TFEC: variants seen among roughly 807,000 people sequenced by gnomAD.
TFEC encodes the protein class E basic helix-loop-helix protein 34.
In TFEC, 31 loss-of-function variants were observed where a neutral mutation model predicts 41.6. That is an observed-to-expected ratio of 0.74 (90% CI 0.56 to 1.01). The LOEUF is 1.01. Ranked by LOEUF, TFEC falls within the 50% of genes least tolerant of loss-of-function variation. The pLI is 0.00. For synonymous variants in TFEC, 143 were observed against 140.6 expected (o/e 1.02, Z -0.12); for missense variants, 402 against 404.1 (o/e 0.99, Z 0.04).
At chr7:116,052,551 C>A (rs560484969) in intron 3 of TFEC, among the ~76,000 whole-genome samples, 62 of 152,076 alleles carry the variant, frequency 4.1e-4, no homozygotes, top group Non-Finnish European at 3.5e-4. Context: ...GCCTCAGACT[C>A]CCGAGTAGCT....
In TFEC at chr7:115,939,760, T is replaced by C. The variant is rs1364323134; in HGVS notation, c.*791A>G. 1 of 152,024 alleles carries C rather than the reference T, an allele frequency of 6.6e-6. No homozygotes were observed. The highest frequency in any genetic ancestry group is 1.5e-5 in the Non-Finnish European group (1 of 67,974). The allele number at this position is 152,024 out of a possible 1,614,324, so 9.4% of individuals were successfully genotyped here. On this transcript the variant is annotated 3_prime_UTR_variant, in exon 8 of 8. Coordinates refer to ENST00000265440, the MANE Select transcript of TFEC (RefSeq NM_012252.4). ...AACAAAAGAACATATACTACCTGAA[T>C]GATGTGCATATGTGTATGTGTATGT...
intron 3 of TFEC, among the ~76,000 whole-genome samples, chr7:116,046,733 C>A (rs1345399197): frequency 6.6e-6 from 1 of 152,152 alleles, no homozygotes; most frequent in East Asian, 1.9e-4. Flanking sequence ...AGCTTACTCC[C>A]CACTGTACTT....
chr7:116,100,576 A>T (rs1475557889), intron 3 of TFEC, among the ~76,000 whole-genome samples: 1 of 147,824 alleles, frequency 6.8e-6, no homozygotes, highest in Non-Finnish European at 1.5e-5. Context: ...CGAACAAGAG[A>T]AAGAGACAGG....
At chr7:115,949,212 A>G (rs1227332807) in intron 6 of TFEC, among the ~76,000 whole-genome samples, 1 of 152,144 alleles carries the variant, frequency 6.6e-6, no homozygotes, top group African/African-American at 2.4e-5. Context: ...ATACAAAGAA[A>G]TGGAAGAACA....
rs183620445 is a variant in TFEC at position 115,947,544 on chromosome 7, A to G, written c.515+3330T>C. On this transcript the variant is annotated intron_variant, in intron 6 of 7. Coordinates refer to ENST00000265440, the MANE Select transcript of TFEC (RefSeq NM_012252.4). ...AGTTTACAGTCCCACCAACAGGGTA[A>G]AAGTGTTCCTATTTCTCCACATCCT... Among the ~76,000 whole-genome samples, 19 of 151,784 alleles carry G rather than the reference A, an allele frequency of 1.3e-4. 1 individual carries two copies. The East Asian group carries it at 3.7e-3, about 30-fold the overall frequency.
At chr7:116,059,950 G>GT (rs1047034476) in intron 3 of TFEC, among the ~76,000 whole-genome samples, 1 of 151,838 alleles carries the variant, frequency 6.6e-6, no homozygotes, top group Admixed American at 6.6e-5. Context: ...TTGTACTAAA[G>GT]TTTTTATGAG....
At chr7:115,989,834 C>G (rs891610104) in intron 1 of TFEC, among the ~76,000 whole-genome samples, 1 of 152,192 alleles carries the variant, frequency 6.6e-6, no homozygotes, top group Admixed American at 6.5e-5. Context: ...GCAGAAATGT[C>G]TGCAGACTTA....
At chr7:115,991,322 G>A (rs990412806) in intron 1 of TFEC, among the ~76,000 whole-genome samples, 28 of 152,116 alleles carry the variant, frequency 1.8e-4, no homozygotes, top group Non-Finnish European at 3.5e-4. Context: ...ATCAACTAAC[G>A]AGCAAAATAA....
chr7:116,115,871 C>A (rs1247986626), intron 1 of TFEC, among the ~76,000 whole-genome samples: 2 of 151,900 alleles, frequency 1.3e-5, no homozygotes, highest in Non-Finnish European at 2.9e-5. Context: ...AAGTGCTTAA[C>A]AAATATTAGT....
intron 1 of TFEC, among the ~76,000 whole-genome samples, chr7:116,155,773 A>G (rs1396925634): frequency 6.6e-6 from 1 of 152,164 alleles, no homozygotes; most frequent in Admixed American, 6.6e-5. Flanking sequence ...CTTTTTTATA[A>G]CATTCTTTGT....
chr7:115,990,874 C>T (rs570784141), intron 1 of TFEC, among the ~76,000 whole-genome samples: 121 of 152,238 alleles, frequency 7.9e-4, no homozygotes, highest in African/African-American at 2.8e-3. Context: ...TCAGGAAATG[C>T]AGAGAACGCC....
At chr7:116,008,877 T>C (rs1794900571) in intron 1 of TFEC, among the ~76,000 whole-genome samples, 1 of 152,182 alleles carries the variant, frequency 6.6e-6, no homozygotes, top group Admixed American at 6.6e-5. Flanking sequence ...CAAAGCTATT[T>C]AATGGATAAT....
rs527298000 is a variant in TFEC at position 116,023,111 on chromosome 7, T to G, written c.-73+7522A>C. 3.3e-5 allele frequency among the ~76,000 whole-genome samples: 5 copies of G among 152,216 alleles called. No homozygotes were observed. The South Asian group carries it at 8.3e-4, about 25-fold the overall frequency. Reference sequence around the variant, plus strand: ...AAAAAAAAAAAAGAGTGGTTTATATTGTAAGTTCATGACTTCCTAAAGAGA... The same window carrying G: ...AAAAAAAAAAAAGAGTGGTTTATATGGTAAGTTCATGACTTCCTAAAGAGA... On this transcript the variant is annotated intron_variant, in intron 1 of 7. Transcript: ENST00000265440.
intron 3 of TFEC, among the ~76,000 whole-genome samples, chr7:116,106,190 A>C: frequency 6.6e-6 from 1 of 152,274 alleles, no homozygotes; most frequent in East Asian, 1.9e-4. Context: ...AAAACTGTCT[A>C]ATTTCACTCT....
intron 3 of TFEC, among the ~76,000 whole-genome samples, chr7:116,084,606 CTACA>C: frequency 6.6e-6 from 1 of 151,686 alleles, no homozygotes; most frequent in East Asian, 1.9e-4. Flanking sequence ...ATTTATGAGG[CTACA>C]TAGTTTCTGA....
chr7:115,983,340 T>TA (rs1793712388), intron 2 of TFEC, among the ~76,000 whole-genome samples: 1 of 152,094 alleles, frequency 6.6e-6, no homozygotes, highest in African/African-American at 2.4e-5. Flanking sequence ...AAAATTTGTT[T>TA]AAAAAAATTC....
upstream of TFEC, among the ~76,000 whole-genome samples, chr7:116,031,093 T>C (rs1397010180): frequency 5.3e-5 from 8 of 152,176 alleles, no homozygotes; most frequent in Admixed American, 5.2e-4. Context: ...TATTGCAACA[T>C]GTTATGTTTC....
chr7:116,099,886 G>A (rs1370536352), intron 3 of TFEC, among the ~76,000 whole-genome samples: 1 of 152,194 alleles, frequency 6.6e-6, no homozygotes, highest in East Asian at 1.9e-4. Flanking sequence ...CAATTGTGTA[G>A]TTGAGTGCTT....
chr7:115,977,819 GACA>G (rs1793452526), intron 2 of TFEC, among the ~76,000 whole-genome samples: 1 of 151,836 alleles, frequency 6.6e-6, no homozygotes, highest in South Asian at 2.1e-4. Context: ...AAAGGTGGGT[GACA>G]ACAAGGAGAT....
Sources: allele counts gnomAD v4.1 joint callset (sites outside exome capture counted in the v4.1 genomes callset), GRCh38; gene constraint gnomAD v4.1.1; transcripts MANE v1.5; gene names NCBI Gene and HGNC (gene_info 2026-07-23, HGNC 2026-07-21).